The following CUX1 variants were observed in gnomAD, a reference collection of about 807,000 sequenced individuals.
CUX1 encodes the protein cut like homeobox 1.
In CUX1, 31 loss-of-function variants were observed where a neutral mutation model predicts 158.8. That is an observed-to-expected ratio of 0.20 (90% confidence interval 0.15 to 0.26). The LOEUF (loss-of-function observed/expected upper bound fraction) is 0.26, where lower values mean the gene tolerates loss of function less well. Ranked by LOEUF, CUX1 falls within the 10% of genes least tolerant of loss-of-function variation. CUX1 has a pLI of 1.00. For missense variants in CUX1, 1,589 were observed against 2,014.6 expected, an observed-to-expected ratio of 0.79 and a Z score of 4.04; for synonymous variants, 879 against 862.1, an observed-to-expected ratio of 1.02 and a Z score of -0.34.
chr7:102,075,264 C>T (rs562646544), intron 4 of CUX1, among the ~76,000 whole-genome samples: 3 of 152,306 alleles, frequency 2.0e-5, no homozygotes, highest in South Asian at 4.1e-4. Flanking sequence ...CTGCAGTTCA[C>T]GGTGGCATGA....
intron 17 of CUX1, among the ~76,000 whole-genome samples, chr7:102,276,011 CAA>C (rs35522723): frequency 2.9e-5 from 4 of 137,310 alleles, no homozygotes; most frequent in Admixed American, 7.4e-5. Flanking sequence ...GACTCCATCT[CAA>C]AAAAAAAAAA....
At chr7:101,859,933 G>C (rs952161730) in intron 1 of CUX1, among the ~76,000 whole-genome samples, 8 of 132,054 alleles carry the variant, frequency 6.1e-5, no homozygotes, top group Non-Finnish European at 1.3e-4. Flanking sequence ...GTCTTTCTTT[G>C]CTCCTTCCTT....
chr7:102,275,030 C>G (rs539231802), intron 16 of CUX1, among the ~76,000 whole-genome samples: 2 of 152,296 alleles, frequency 1.3e-5, no homozygotes, highest in African/African-American at 4.8e-5. Flanking sequence ...TGCGTATTGT[C>G]AGGTCAGCCC....
At chr7:102,216,752 A>G (rs1031132370) in intron 20 of CUX1, among the ~76,000 whole-genome samples, 6 of 141,662 alleles carry the variant, frequency 4.2e-5, no homozygotes, top group Non-Finnish European at 7.6e-5. Flanking sequence ...ACACTTCTGC[A>G]CACACACACT....
chr7:102,176,357 AG>A (rs1361138304), intron 10 of CUX1, among the ~76,000 whole-genome samples: 6 of 152,114 alleles, frequency 3.9e-5, no homozygotes, highest in African/African-American at 1.4e-4. Context: ...AAGCAAGATC[AG>A]GACGTGAAAC....
At chr7:101,823,455 C>T (rs960719833) in intron 1 of CUX1, among the ~76,000 whole-genome samples, 9 of 152,290 alleles carry the variant, frequency 5.9e-5, no homozygotes, top group Admixed American at 3.3e-4. Context: ...AAGCACACGA[C>T]CCCCCAGAGT....
At chr7:102,193,556 A>C (rs1364930175) in intron 12 of CUX1, among the ~76,000 whole-genome samples, 1 of 152,132 alleles carries the variant, frequency 6.6e-6, no homozygotes. Flanking sequence ...TGTAATACCA[A>C]CACTTTGGGA....
chr7:102,204,429 G>A lies in CUX1; in HGVS notation c.2946G>A (p.Leu982=). ...GLSQGSVSDM[L]SRPKPWSKLT... ...CCCAGGGCAGCGTCAGCGACATGCT[G>A]TCCCGACCGAAGCCATGGAGCAAGC... The change falls in exon 19 of 24, where the codon CTG becomes CTA. Residue 982 remains leucine (L), a synonymous_variant. Transcript: ENST00000292535. 6.2e-7 allele frequency: 1 copy of A among 1,613,664 alleles called. No individual in the cohort carries two copies. The highest frequency in any genetic ancestry group is 1.1e-5 in the South Asian group (1 of 91,092).
rs1554497683 is a variant in CUX1 at position 102,132,681 on chromosome 7, T to TA, written c.674+17408_674+17409insA. 2.4e-4 allele frequency among the ~76,000 whole-genome samples: 7 copies of TA among 29,038 alleles called. No homozygotes were observed. In the South Asian group the frequency reaches 7.7e-3, roughly 32 times the overall value. 19.1% of individuals were successfully genotyped at this position (29,038 alleles called of 152,430 possible). ...TTTAATTTGTTTTTCTTTGCTTTTC[T>TA]TTTTTTTTTTTTTTTTTTGAGACAG... On this transcript the variant is annotated intron_variant, in intron 8 of 23. Coordinates refer to ENST00000292535, the MANE Select transcript of CUX1 (RefSeq NM_181552.4).
intron 1 of CUX1, among the ~76,000 whole-genome samples, chr7:101,899,377 G>A (rs759909824): frequency 6.6e-6 from 1 of 151,952 alleles, no homozygotes; most frequent in Non-Finnish European, 1.5e-5. Flanking sequence ...GGCAAAACCC[G>A]GTCTCTACTA....
At chr7:102,264,512 TG>T (rs1790659863) in intron 14 of CUX1, among the ~76,000 whole-genome samples, 2 of 152,012 alleles carry the variant, frequency 1.3e-5, no homozygotes, top group African/African-American at 4.8e-5. Context: ...AGGCGGAGCA[TG>T]GGGGCCTTGT....
chr7:102,226,518 C>T (rs1303880931), intron 20 of CUX1, among the ~76,000 whole-genome samples: 3 of 152,292 alleles, frequency 2.0e-5, no homozygotes, highest in African/African-American at 7.2e-5. Context: ...CCTGGGCCAC[C>T]GAGCAAGACC....
In CUX1 at chr7:102,255,258, C is replaced by T; in HGVS notation, c.*6216C>T. The stretch of plus-strand genomic sequence containing the variant: ...CCAAAGATAACCGTGTCCATGCCAT[C>T]CGTGGCATCATCTCGAGTTTTCATT... On this transcript the variant is annotated 3_prime_UTR_variant, in exon 24 of 24. Coordinates refer to ENST00000292535, the MANE Select transcript of CUX1 (RefSeq NM_181552.4). 1.3e-5 allele frequency: 13 copies of T among 985,424 alleles called. No homozygotes were observed. Among genetic ancestry groups the T allele is most frequent in the Non-Finnish European group, 1.6e-5 (13 of 829,936 alleles). 61.0% of individuals were successfully genotyped at this position (985,424 alleles called of 1,614,324 possible).
intron 20 of CUX1, among the ~76,000 whole-genome samples, chr7:102,210,060 T>G (rs142626634): frequency 1.4e-3 from 206 of 152,126 alleles, no homozygotes; most frequent in Non-Finnish European, 2.3e-3. Flanking sequence ...GCTAATTTTT[T>G]TATTTTTTGT....
intron 1 of CUX1, among the ~76,000 whole-genome samples, chr7:101,909,636 T>A (rs1385521844): frequency 6.6e-6 from 1 of 152,256 alleles, no homozygotes; most frequent in Non-Finnish European, 1.5e-5. Context: ...GCTGTTTGAT[T>A]AGTTTGACAG....
intron 1 of CUX1, among the ~76,000 whole-genome samples, chr7:101,826,302 A>C (rs1793290811): frequency 6.6e-6 from 1 of 151,740 alleles, no homozygotes; most frequent in African/African-American, 2.4e-5. Flanking sequence ...GGGCTCAAGC[A>C]ATCCTTCCAC....
intron 2 of CUX1, among the ~76,000 whole-genome samples, chr7:101,949,875 C>G (rs1347030096): frequency 6.6e-6 from 1 of 151,850 alleles, no homozygotes; most frequent in Non-Finnish European, 1.5e-5. Context: ...AGGCCCAATC[C>G]CTGAGAGAGG....
chr7:101,915,307 G>A (rs1804052384), intron 1 of CUX1, among the ~76,000 whole-genome samples: 1 of 152,158 alleles, frequency 6.6e-6, no homozygotes, highest in Admixed American at 6.5e-5. Flanking sequence ...CCAGGGCACA[G>A]GTTCTCTGGC....
intron 4 of CUX1, among the ~76,000 whole-genome samples, chr7:102,093,358 GTATTTTTTCCAGAGACAGGGTCTCACT>G (rs1402364815): frequency 4.6e-5 from 7 of 151,868 alleles, no homozygotes; most frequent in Non-Finnish European, 8.8e-5. Flanking sequence ...GCTAATTTTT[GTATTTTTTCCAGAGACAGGGTCTCACT>G]TATGTTGTCC....
Sources: allele counts gnomAD v4.1 joint callset (sites outside exome capture counted in the v4.1 genomes callset), GRCh38; gene constraint gnomAD v4.1.1; transcripts MANE v1.5; gene names NCBI Gene and HGNC (gene_info 2026-07-23, HGNC 2026-07-21).